GRID2: variants seen among roughly 807,000 people sequenced by gnomAD.
GRID2 encodes the protein glutamate receptor ionotropic, delta-2.
GRID2 carries 33 observed loss-of-function variants against 114.8 expected under a neutral mutation model. The ratio of observed to expected loss-of-function variants is 0.29; its 90% CI spans 0.22 to 0.38. The LOEUF is 0.38. GRID2 is among the 10% of genes least tolerant of loss of function. GRID2 has a pLI of 1.00. For synonymous variants in GRID2, 505 were observed against 449.9 expected (o/e 1.12, Z -1.55); for missense variants, 1,184 against 1,257.7 (o/e 0.94, Z 0.89).
chr4:92,822,401 C>T (rs186983525), intron 2 of GRID2: 20 of 585,890 alleles, frequency 3.4e-5, no homozygotes, highest in South Asian at 8.6e-5. Flanking sequence ...AGCCAGATTC[C>T]GTACCTTGAC....
chr4:93,439,921 C>T (rs899563519), intron 10 of GRID2, among the ~76,000 whole-genome samples: 1 of 151,942 alleles, frequency 6.6e-6, no homozygotes, highest in African/African-American at 2.4e-5. Flanking sequence ...GGCACAATTC[C>T]CACCATTCTG....
At chr4:92,796,156 G>A (rs113421017) in intron 2 of GRID2, among the ~76,000 whole-genome samples, 104 of 151,760 alleles carry the variant, frequency 6.9e-4, no homozygotes, top group Non-Finnish European at 1.2e-3. Flanking sequence ...AATATTTTCC[G>A]TAGAATACTG....
At position 93,294,830 on chromosome 4, in the gene GRID2, G is replaced by C. The variant is rs1249356415; in HGVS notation, c.1245+56340G>C. On this transcript the variant is annotated intron_variant, in intron 8 of 15. Coordinates refer to ENST00000282020, the MANE Select transcript of GRID2 (RefSeq NM_001510.4). ...CCGCCTCAGCCTCTCTAAGTGCTGGGATTACAGGCATGAGCCACCGTGCCC... is the reference window on the plus strand; with the variant it reads ...CCGCCTCAGCCTCTCTAAGTGCTGGCATTACAGGCATGAGCCACCGTGCCC... Among the ~76,000 whole-genome samples the C allele has an allele frequency of 3.3e-5, 5 of 152,290 alleles. No homozygotes were observed. The East Asian group carries it at 9.7e-4, about 29-fold the overall frequency.
At chr4:92,546,659 A>T (rs1026015682) in intron 1 of GRID2, among the ~76,000 whole-genome samples, 2 of 152,220 alleles carry the variant, frequency 1.3e-5, no homozygotes, top group Admixed American at 1.3e-4. Context: ...ACCTTAGTAA[A>T]CTGAGATTAC....
chr4:92,762,027 C>CAA (rs1738035656), intron 2 of GRID2, among the ~76,000 whole-genome samples: 1 of 152,096 alleles, frequency 6.6e-6, no homozygotes, highest in South Asian at 2.1e-4. Flanking sequence ...CTCCCTGATT[C>CAA]AAGTGATTCT....
intron 2 of GRID2, among the ~76,000 whole-genome samples, chr4:92,687,187 T>A (rs1733948533): frequency 6.6e-6 from 1 of 151,978 alleles, no homozygotes; most frequent in Admixed American, 6.6e-5. Flanking sequence ...TTTTGATTTT[T>A]TTTTTTTTTC....
chr4:93,200,021 T>G (rs1741904389), intron 4 of GRID2, among the ~76,000 whole-genome samples: 2 of 152,282 alleles, frequency 1.3e-5, no homozygotes, highest in African/African-American at 4.8e-5. Context: ...TGGTTGGTGT[T>G]TGTTTGTTTA....
intron 2 of GRID2, among the ~76,000 whole-genome samples, chr4:92,884,334 T>C (rs1746221659): frequency 1.3e-5 from 2 of 152,224 alleles, no homozygotes; most frequent in Admixed American, 6.5e-5. Flanking sequence ...TTTGATCTTC[T>C]ATCCAGATCA....
intron 2 of GRID2, among the ~76,000 whole-genome samples, chr4:93,083,812 T>A (rs1730096154): frequency 6.6e-6 from 1 of 152,134 alleles, no homozygotes; most frequent in Admixed American, 6.6e-5. Context: ...TTATTCATTA[T>A]TTTGCATGTA....
chr4:93,745,703 G>C (rs1560967916), intron 14 of GRID2, among the ~76,000 whole-genome samples: 2 of 152,088 alleles, frequency 1.3e-5, no homozygotes, highest in Non-Finnish European at 2.9e-5. Context: ...GCTAAATATG[G>C]AGCCAAGTTT....
In GRID2 at chr4:92,576,358, G is replaced by A. The variant is rs545153099; in HGVS notation, c.89-13773G>A. On this transcript the variant is annotated intron_variant, in intron 1 of 15. Coordinates refer to ENST00000282020, the MANE Select transcript of GRID2 (RefSeq NM_001510.4). ...ACTAAACAGCAGATATGGTGGCCTGGTCCCTCCCCCAGAGGGCTCCATCTC... is the reference window on the plus strand; with the variant it reads ...ACTAAACAGCAGATATGGTGGCCTGATCCCTCCCCCAGAGGGCTCCATCTC... 4.6e-5 allele frequency among the ~76,000 whole-genome samples: 7 copies of A among 152,312 alleles called. No individual in the cohort carries two copies. The South Asian group carries it at 1.5e-3, about 32-fold the overall frequency.
intron 1 of GRID2, among the ~76,000 whole-genome samples, chr4:92,415,696 G>A (rs1222017901): frequency 6.8e-6 from 1 of 146,810 alleles, no homozygotes; most frequent in African/African-American, 2.5e-5. Context: ...GTATGTGTGT[G>A]TGCATGCGCA....
intron 1 of GRID2, among the ~76,000 whole-genome samples, chr4:92,545,429 A>G (rs143476533): frequency 1.9e-4 from 29 of 152,304 alleles, no homozygotes; most frequent in African/African-American, 7.0e-4. Context: ...TGAAATCAGC[A>G]TAATGCTTTA....
chr4:92,841,586 G>T (rs1742899244), intron 2 of GRID2, among the ~76,000 whole-genome samples: 1 of 151,850 alleles, frequency 6.6e-6, no homozygotes, highest in African/African-American at 2.4e-5. Flanking sequence ...CATTCCAGAT[G>T]CAGTCCTTTT....
At chr4:93,411,542 C>A (rs1767135545) in intron 9 of GRID2, among the ~76,000 whole-genome samples, 3 of 151,722 alleles carry the variant, frequency 2.0e-5, no homozygotes, top group Non-Finnish European at 4.4e-5. Context: ...TCAAGCGATT[C>A]TCCCGCCTCA....
intron 1 of GRID2, among the ~76,000 whole-genome samples, chr4:92,374,409 C>A (rs577676934): frequency 3.3e-4 from 50 of 152,206 alleles, no homozygotes; most frequent in African/African-American, 1.2e-3. Context: ...AGTTGTCCTG[C>A]CTTTCTGGAC....
chr4:92,951,896 T>A (rs1458819717), intron 2 of GRID2, among the ~76,000 whole-genome samples: 1 of 152,204 alleles, frequency 6.6e-6, no homozygotes, highest in Non-Finnish European at 1.5e-5. Flanking sequence ...GAGTTCCATA[T>A]TCTTTTTATG....
chr4:93,106,621 A>G (rs1732259816), intron 3 of GRID2, among the ~76,000 whole-genome samples: 1 of 152,238 alleles, frequency 6.6e-6, no homozygotes, highest in East Asian at 1.9e-4. Flanking sequence ...CTGCACCCAG[A>G]GTACTCTCTT....
intron 1 of GRID2, among the ~76,000 whole-genome samples, chr4:92,576,838 G>A (rs78910802): frequency 0.02 from 3,049 of 152,170 alleles, 94 homozygotes; most frequent in African/African-American, 0.069. Context: ...TGGGTGTGCC[G>A]TTGCCCCACC....
Sources: gnomAD v4.1 joint callset for allele counts (sites outside exome capture counted in the v4.1 genomes callset) on GRCh38, gnomAD v4.1.1 for gene constraint, MANE v1.5 for transcripts, NCBI Gene and HGNC (gene_info 2026-07-23, HGNC 2026-07-21) for gene names.